COQ8B: variants seen among roughly 807,000 people sequenced by gnomAD.
The protein encoded by COQ8B is coenzyme Q8B, also known as atypical kinase COQ8B, mitochondrial.
In COQ8B, 44 loss-of-function variants were observed where a neutral mutation model predicts 62.0. The observed-to-expected ratio is 0.71, with a 90% CI of 0.56 to 0.91. The LOEUF is 0.91. Ranked by LOEUF, COQ8B falls within the 40% of genes least tolerant of loss-of-function variation. The pLI is 0.00. For missense variants in COQ8B, 649 were observed against 731.6 expected, an observed-to-expected ratio of 0.89 and a Z score of 1.30; for synonymous variants, 252 against 289.9, an observed-to-expected ratio of 0.87 and a Z score of 1.33.
At chr19:40,704,690 C>T (rs892687562) in intron 7 of COQ8B, 1 of 164,324 alleles carries the variant, frequency 6.1e-6, no homozygotes, top group Non-Finnish European at 1.3e-5. Flanking sequence ...ATGTCCTGGG[C>T]ACTTACTTGG....
Position 40,691,952 on chromosome 19 carries a change from G to C in COQ8B, c.*83C>G. ...CTGGGAAGCCCAAGGGGGCTCCTCT[G>C]ACCCAGGGCAGACGGGGAAGGGATA... On this transcript the variant is annotated 3_prime_UTR_variant, in exon 15 of 15. Transcript: ENST00000324464. The C allele has an allele frequency of 7.4e-7, 1 of 1,348,410 alleles. No homozygotes were observed. 83.5% of individuals were successfully genotyped at this position (1,348,410 alleles called of 1,614,324 possible).
chr19:40,702,738 C>A, intron 9 of COQ8B, 45 bp from the exon 10 acceptor site: 4 of 1,570,088 alleles, frequency 2.5e-6, no homozygotes, highest in Non-Finnish European at 3.5e-6. Context: ...CGAGCGCCCA[C>A]TGGTGGATGC....
chr19:40,702,480 TGAAA>T (rs931267957), intron 10 of COQ8B, 116 bp downstream of exon 10: 56 of 916,998 alleles, frequency 6.1e-5, no homozygotes, highest in African/African-American at 5.0e-4. Flanking sequence ...GAACAATGAT[TGAAA>T]GAAAGAGAGA....
intron 8 of COQ8B, 42 bp downstream of exon 8, chr19:40,703,673 A>G (rs749401001): frequency 8.7e-6 from 14 of 1,613,742 alleles, no homozygotes; most frequent in Non-Finnish European, 8.5e-7. Flanking sequence ...TCTCTGGGCT[A>G]GCAGGGTGCC....
intron 5 of COQ8B, among the ~76,000 whole-genome samples, chr19:40,707,182 T>C (rs1399831238): frequency 6.6e-6 from 1 of 151,324 alleles, no homozygotes; most frequent in Admixed American, 6.6e-5. Context: ...GGCAGGAAGA[T>C]CACTTGGACC....
chr19:40,710,953 G>A (rs986518173), intron 4 of COQ8B, among the ~76,000 whole-genome samples: 4 of 152,074 alleles, frequency 2.6e-5, no homozygotes, highest in African/African-American at 9.7e-5. Flanking sequence ...CCAACGTGGA[G>A]AAACCCTGTC....
intron 4 of COQ8B, among the ~76,000 whole-genome samples, chr19:40,712,009 C>G (rs1375536048): frequency 6.6e-6 from 1 of 151,818 alleles, no homozygotes; most frequent in African/African-American, 2.4e-5. Flanking sequence ...GTGAATCTAT[C>G]TATGTATATA....
At chr19:40,709,665 G>A (rs1288749818) in intron 5 of COQ8B, among the ~76,000 whole-genome samples, 2 of 152,108 alleles carry the variant, frequency 1.3e-5, no homozygotes, top group Non-Finnish European at 2.9e-5. Flanking sequence ...CCAACATGGT[G>A]AAACCGTCTC....
At chr19:40,714,839 C>A in intron 1 of COQ8B, 1 of 1,341,838 alleles carries the variant, frequency 7.5e-7, no homozygotes, top group South Asian at 1.9e-5. Context: ...AACCCACTTT[C>A]CCCCCTCTCC....
chr19:40,691,925 G>T lies in COQ8B; in HGVS notation c.*110C>A. The T allele has an allele frequency of 2.7e-6, 3 of 1,093,034 alleles. No individual in the cohort carries two copies. The highest frequency in any genetic ancestry group is 3.6e-6 in the Non-Finnish European group (3 of 822,420). 67.7% of individuals were successfully genotyped at this position (1,093,034 alleles called of 1,614,324 possible). A position where few individuals can be genotyped will look rare whatever the true frequency, so the allele number is the denominator to read the frequency against. Reference sequence around the variant, plus strand: ...TGGGCCAAGGAGGAGAGCCAGGCAAGACTGGGAAGCCCAAGGGGGCTCCTC... The same window carrying T: ...TGGGCCAAGGAGGAGAGCCAGGCAATACTGGGAAGCCCAAGGGGGCTCCTC... On this transcript the variant is annotated 3_prime_UTR_variant, in exon 15 of 15. Transcript: ENST00000324464.
Position 40,703,783 on chromosome 19 carries a change from C to A in COQ8B, c.649G>T (p.Ala217Ser). The change falls in exon 8 of 15, where the codon GCT (alanine) becomes TCT (serine). Residue 217 changes from alanine to serine, a missense_variant. Transcript: ENST00000324464. ...VASLEEVPFA[A>S]ASIGQVHQGL... is the part of the protein sequence containing the mutation. Reference sequence around the variant, plus strand: ...TGGTGCACCTGCCCAATTGAGGCAGCGGCAAAGGGCACCTCCTCCAAGGAG... The same window carrying A: ...TGGTGCACCTGCCCAATTGAGGCAGAGGCAAAGGGCACCTCCTCCAAGGAG... The A allele has an allele frequency of 3.1e-6, 5 of 1,614,010 alleles. No individual in the cohort carries two copies. The highest frequency in any genetic ancestry group is 2.5e-6 in the Non-Finnish European group (3 of 1,179,984).
intron 2 of COQ8B, 56 bp downstream of exon 2, chr19:40,714,475 C>T (rs1310904335): frequency 5.0e-6 from 8 of 1,613,460 alleles, no homozygotes; most frequent in Non-Finnish European, 6.8e-6. Flanking sequence ...GTCCTTTTAC[C>T]CTCTGAAGTC....
intron 12 of COQ8B, among the ~76,000 whole-genome samples, chr19:40,696,438 G>A (rs557900084): frequency 1.3e-5 from 2 of 152,098 alleles, no homozygotes; most frequent in Non-Finnish European, 1.5e-5. Flanking sequence ...AGGCCAAGGT[G>A]GGTGGATCAT....
rs1397118419 is a variant in COQ8B, at chr19:40,702,633, T to C, written c.860A>G (p.Tyr287Cys). 3.1e-6 allele frequency: 5 copies of C among 1,612,424 alleles called. No individual in the cohort carries two copies. The highest frequency in any genetic ancestry group is 1.1e-5 in the South Asian group (1 of 91,082). ...LQQELAWECDYRREAACAQNF... is the reference protein window; with the variant it reads ...LQQELAWECDCRREAACAQNF... ...CTGGGCACAAGCCGCCTCACGACGG[T>C]AGTCACACTCCCAAGCCAGCTCCTG... The change falls in exon 10 of 15, where the codon TAC (tyrosine) becomes TGC (cysteine). Residue 287 changes from tyrosine (Y) to cysteine (C), a missense_variant. By Grantham distance (194) the Tyr-to-Cys change is radical. Transcript: ENST00000324464.
intron 5 of COQ8B, among the ~76,000 whole-genome samples, chr19:40,707,279 A>G (rs2082107970): frequency 6.6e-6 from 1 of 151,752 alleles, no homozygotes; most frequent in South Asian, 2.1e-4. Context: ...AAAAAAAGAA[A>G]AAAAAAAAAG....
chr19:40,713,404 G>A (rs1228286228), intron 4 of COQ8B, among the ~76,000 whole-genome samples: 2 of 152,006 alleles, frequency 1.3e-5, no homozygotes, highest in East Asian at 1.9e-4. Context: ...AAAATTAGCC[G>A]GGTGTGGTGG....
chr19:40,699,187 G>A (rs1345866008), intron 12 of COQ8B, among the ~76,000 whole-genome samples: 2 of 151,704 alleles, frequency 1.3e-5, no homozygotes, highest in Non-Finnish European at 2.9e-5. Context: ...GAGTGCAGTG[G>A]CATGATCTTG....
chr19:40,700,522 T>C (rs906790813), intron 10 of COQ8B, 71 bp from the exon 11 acceptor site: 1 of 1,548,356 alleles, frequency 6.5e-7, no homozygotes, highest in African/African-American at 1.4e-5. Flanking sequence ...GACCTCCTCC[T>C]TGTGCTCTCA....
intron 10 of COQ8B, chr19:40,701,501 G>A (rs186118878): frequency 1.1e-4 from 16 of 151,966 alleles, no homozygotes; most frequent in African/African-American, 2.9e-4. Flanking sequence ...GGGGGTCTCT[G>A]GCCCATCACC....
Sources: allele counts gnomAD v4.1 joint callset (sites outside exome capture counted in the v4.1 genomes callset), GRCh38; gene constraint gnomAD v4.1.1; transcripts MANE v1.5; gene names NCBI Gene and HGNC (gene_info 2026-07-23, HGNC 2026-07-21).